The following LMX1A variants were observed in gnomAD, a reference collection of about 807,000 sequenced individuals.
LMX1A encodes the protein LIM homeobox transcription factor 1-alpha.
A neutral mutation model predicts 49.1 loss-of-function variants in LMX1A; 15 were observed. That is an observed-to-expected ratio of 0.31 (90% confidence interval 0.20 to 0.47). The LOEUF is 0.47. Ranked by LOEUF, LMX1A falls within the 20% of genes least tolerant of loss-of-function variation. LMX1A has a pLI of 1.00. For synonymous variants in LMX1A, 167 were observed against 185.7 expected (o/e 0.90, Z 0.82); for missense variants, 372 against 475.8 (o/e 0.78, Z 2.03).
At chr1:165,253,954 A>G (rs1653144516) in intron 3 of LMX1A, among the ~76,000 whole-genome samples, 1 of 151,960 alleles carries the variant, frequency 6.6e-6, no homozygotes, top group Middle Eastern at 3.2e-3. Context: ...TGGGCAGAAA[A>G]TCCACCCAGT....
intron 3 of LMX1A, among the ~76,000 whole-genome samples, chr1:165,342,516 A>G (rs945451076): frequency 6.6e-6 from 1 of 152,086 alleles, no homozygotes; most frequent in Non-Finnish European, 1.5e-5. Context: ...GGGGGGAAGA[A>G]GAGCTATGCT....
intron 4 of LMX1A, among the ~76,000 whole-genome samples, chr1:165,228,687 G>C (rs1442310230): frequency 6.6e-6 from 1 of 152,164 alleles, no homozygotes; most frequent in African/African-American, 2.4e-5. Context: ...GCTTATCCTA[G>C]AGAAGCAGTT....
chr1:165,340,153 G>A (rs984932444), intron 3 of LMX1A, among the ~76,000 whole-genome samples: 3 of 152,250 alleles, frequency 2.0e-5, no homozygotes, highest in African/African-American at 7.2e-5. Context: ...TGTTGCCCAG[G>A]TTGGAGTGCA....
At chr1:165,300,901 G>A (rs1214906713) in intron 3 of LMX1A, among the ~76,000 whole-genome samples, 1 of 152,130 alleles carries the variant, frequency 6.6e-6, no homozygotes, top group Non-Finnish European at 1.5e-5. Flanking sequence ...TAGCCCACTG[G>A]GGAGCTAAAG....
chr1:165,219,245 G>GA (rs1651749357), intron 4 of LMX1A: 1 of 152,274 alleles, frequency 6.6e-6, no homozygotes, highest in East Asian at 1.9e-4. Context: ...CAGGTTGTTG[G>GA]AAAAATCCCA....
chr1:165,254,783 C>A (rs1328230825), intron 3 of LMX1A, among the ~76,000 whole-genome samples: 1 of 152,204 alleles, frequency 6.6e-6, no homozygotes, highest in East Asian at 1.9e-4. Flanking sequence ...GGGTTCAGAG[C>A]CTGGCAGCCT....
At chr1:165,347,228 T>C (rs1052102658) in intron 3 of LMX1A, among the ~76,000 whole-genome samples, 2 of 152,216 alleles carry the variant, frequency 1.3e-5, no homozygotes, top group African/African-American at 4.8e-5. Flanking sequence ...TCCTCTCTGA[T>C]ATTTGCTCCA....
intron 4 of LMX1A, among the ~76,000 whole-genome samples, chr1:165,243,163 C>A (rs573099133): frequency 6.6e-6 from 1 of 152,230 alleles, no homozygotes; most frequent in East Asian, 1.9e-4. Flanking sequence ...TATATGGAAA[C>A]TTCTGTCCTA....
intron 3 of LMX1A, among the ~76,000 whole-genome samples, chr1:165,284,469 G>T (rs1654245557): frequency 6.6e-6 from 1 of 152,182 alleles, no homozygotes; most frequent in African/African-American, 2.4e-5. Flanking sequence ...GCTCATTCTG[G>T]GAGTCAAAGC....
chr1:165,287,636 G>A (rs1237910974), intron 3 of LMX1A, among the ~76,000 whole-genome samples: 2 of 152,042 alleles, frequency 1.3e-5, no homozygotes, highest in Non-Finnish European at 2.9e-5. Flanking sequence ...TCCTACAAGG[G>A]CCACACCAGC....
chr1:165,311,468 C>A (rs1422071638), intron 3 of LMX1A, among the ~76,000 whole-genome samples: 1 of 152,132 alleles, frequency 6.6e-6, no homozygotes, highest in Non-Finnish European at 1.5e-5. Context: ...CCCTCAGAAC[C>A]CCAGGTACTG....
chr1:165,342,945 C>A (rs1315044700), intron 3 of LMX1A, among the ~76,000 whole-genome samples: 1 of 152,006 alleles, frequency 6.6e-6, no homozygotes, highest in African/African-American at 2.4e-5. Context: ...TGACCTTGGG[C>A]AAGTTGTTAA....
chr1:165,328,612 G>A (rs938415600), intron 3 of LMX1A, among the ~76,000 whole-genome samples: 2 of 152,168 alleles, frequency 1.3e-5, no homozygotes, highest in African/African-American at 4.8e-5. Flanking sequence ...TCAGGGAGGT[G>A]GACCAACAGA....
intron 3 of LMX1A, among the ~76,000 whole-genome samples, chr1:165,259,237 A>C (rs761742171): frequency 8.5e-5 from 13 of 152,194 alleles, no homozygotes; most frequent in Non-Finnish European, 1.9e-4. Flanking sequence ...CAACTGTGAA[A>C]GGCCAAACAC....
At chr1:165,315,821 G>A (rs1388320713) in intron 3 of LMX1A, among the ~76,000 whole-genome samples, 1 of 152,224 alleles carries the variant, frequency 6.6e-6, no homozygotes, top group Non-Finnish European at 1.5e-5. Context: ...GACTTCAGCA[G>A]CTGAGAGTTG....
chr1:165,306,605 A>T (rs1654926147), intron 3 of LMX1A, among the ~76,000 whole-genome samples: 1 of 151,992 alleles, frequency 6.6e-6, no homozygotes, highest in South Asian at 2.1e-4. Context: ...TAACCAATAC[A>T]CTCTCAGAAA....
intron 3 of LMX1A, among the ~76,000 whole-genome samples, chr1:165,288,720 G>C (rs1048660478): frequency 6.6e-6 from 1 of 152,210 alleles, no homozygotes; most frequent in Non-Finnish European, 1.5e-5. Flanking sequence ...GTGTTTGCGC[G>C]CCTGTGCTCA....
At chr1:165,317,110 C>A (rs1335892424) in intron 3 of LMX1A, among the ~76,000 whole-genome samples, 1 of 152,198 alleles carries the variant, frequency 6.6e-6, no homozygotes, top group African/African-American at 2.4e-5. Context: ...CCATCATATA[C>A]AGTGAGCCCT....
intron 4 of LMX1A, among the ~76,000 whole-genome samples, chr1:165,232,636 T>G (rs1407254997): frequency 1.3e-5 from 2 of 152,118 alleles, no homozygotes; most frequent in Non-Finnish European, 2.9e-5. Context: ...TAAACACAAT[T>G]GGATATAAAC....
Sources: gnomAD v4.1 joint callset for allele counts (sites outside exome capture counted in the v4.1 genomes callset) on GRCh38, gnomAD v4.1.1 for gene constraint, MANE v1.5 for transcripts, NCBI Gene and HGNC (gene_info 2026-07-23, HGNC 2026-07-21) for gene names.